Variants in PAK3 observed in about 807,000 individuals in gnomAD.
PAK3 encodes p21 (RAC1) activated kinase 3, also known as serine/threonine-protein kinase PAK 3.
In PAK3, 4 loss-of-function variants were observed where a neutral mutation model predicts 41.0. That is an observed-to-expected ratio of 0.10 (90% confidence interval 0.05 to 0.22). PAK3 has a LOEUF of 0.22. Ranked by LOEUF, PAK3 falls within the 10% of genes least tolerant of loss-of-function variation. PAK3 has a pLI of 1.00. For synonymous variants in PAK3, 146 were observed against 139.6 expected (o/e 1.05, Z -0.32); for missense variants, 205 against 409.9 (o/e 0.50, Z 4.32).
At chrX:111,022,699 T>G (rs2092205579) in intron 1 of PAK3, among the ~76,000 whole-genome samples, 2 of 110,767 alleles carry the variant, frequency 1.8e-5, no homozygotes, top group Non-Finnish European at 3.8e-5. Context: ...ATACTAACAT[T>G]GAAAATAGAT....
At chrX:111,143,533 A>G (rs2093901953) in intron 6 of PAK3, among the ~76,000 whole-genome samples, 1 of 111,137 alleles carries the variant, frequency 9.0e-6, no homozygotes, top group South Asian at 3.9e-4. Flanking sequence ...CAGAGACATT[A>G]CTCAAATGGC....
chrX:111,216,269 T>C lies in PAK3; in HGVS notation c.1408-152T>C, dbSNP rs977401852. 4 of 483,453 alleles carry C rather than the reference T, an allele frequency of 8.3e-6. No homozygotes were observed. The Admixed American group carries it at 9.0e-5, about 11-fold the overall frequency. 39.8% of individuals were successfully genotyped at this position (483,453 alleles called of 1,213,427 possible). ...TGCCAATATTAATCATTTCTAAATGTTATAGAAACTTTGAAATATATGTGT... is the reference window on the plus strand; with the variant it reads ...TGCCAATATTAATCATTTCTAAATGCTATAGAAACTTTGAAATATATGTGT... On this transcript the variant is annotated intron_variant, in intron 16 of 17. Coordinates refer to ENST00000372007, the MANE Select transcript of PAK3 (RefSeq NM_002578.5).
intron 14 of PAK3, 85 bp downstream of exon 14, chrX:111,194,503 C>G: frequency 1.6e-6 from 1 of 607,823 alleles, no homozygotes; most frequent in Non-Finnish European, 2.9e-6. Context: ...TTTGTATCAT[C>G]AAAGTAACAA....
At chrX:111,025,460 T>C (rs1264833269) in intron 1 of PAK3, among the ~76,000 whole-genome samples, 1 of 110,981 alleles carries the variant, frequency 9.0e-6, no homozygotes, top group Admixed American at 9.6e-5. Context: ...ACGGGAGATA[T>C]TACAACCAAC....
intron 11 of PAK3, among the ~76,000 whole-genome samples, chrX:111,180,109 G>A (rs1445786739): frequency 2.7e-5 from 3 of 111,519 alleles, no homozygotes; most frequent in African/African-American, 9.8e-5. Context: ...TTAGCATGGA[G>A]TTACATACGA....
At chrX:110,957,148 T>G (rs1452462738) in intron 1 of PAK3, among the ~76,000 whole-genome samples, 1 of 112,433 alleles carries the variant, frequency 8.9e-6, no homozygotes, top group Non-Finnish European at 1.9e-5. Flanking sequence ...CTGCTACTTT[T>G]ACTTCTATGA....
intron 1 of PAK3, among the ~76,000 whole-genome samples, chrX:110,998,617 G>T (rs1487478893): frequency 1.8e-5 from 2 of 111,699 alleles, no homozygotes; most frequent in Non-Finnish European, 3.8e-5. Context: ...GGTCAAAAGA[G>T]GGTTTATTAA....
At chrX:111,129,763 A>G (rs999644123) in intron 5 of PAK3, among the ~76,000 whole-genome samples, 2 of 111,495 alleles carry the variant, frequency 1.8e-5, no homozygotes, top group Non-Finnish European at 3.8e-5. Flanking sequence ...GGAAGTAATG[A>G]CTGAAAGGGA....
At chrX:111,124,832 G>C (rs1024499453) in intron 5 of PAK3, among the ~76,000 whole-genome samples, 1 of 108,687 alleles carries the variant, frequency 9.2e-6, no homozygotes, top group African/African-American at 3.3e-5. Context: ...TTAAGGGATG[G>C]TTTGAACAGT....
chrX:111,132,293 C>A (rs780309756), intron 5 of PAK3, among the ~76,000 whole-genome samples: 22 of 111,483 alleles, frequency 2.0e-4, no homozygotes, highest in African/African-American at 7.2e-4. Flanking sequence ...CAAATCAAGG[C>A]TCAGGAATAT....
intron 11 of PAK3, among the ~76,000 whole-genome samples, chrX:111,189,543 A>G (rs1215744865): frequency 8.9e-6 from 1 of 111,917 alleles, no homozygotes; most frequent in East Asian, 2.8e-4. Context: ...TCCCTCCAGC[A>G]GGGTATAAGT....
At chrX:111,073,385 C>A (rs1040568007) in intron 1 of PAK3, among the ~76,000 whole-genome samples, 1 of 111,263 alleles carries the variant, frequency 9.0e-6, no homozygotes, top group Non-Finnish European at 1.9e-5. Flanking sequence ...AGTACAGATA[C>A]AAATGAAATG....
chrX:111,139,364 A>G (rs1045090768), intron 5 of PAK3, among the ~76,000 whole-genome samples: 7 of 112,030 alleles, frequency 6.2e-5, no homozygotes, highest in Admixed American at 2.8e-4. Flanking sequence ...GCTTAAAAAA[A>G]AGACTCAATC....
In PAK3 at chrX:111,112,213, G is replaced by A. The variant is rs746754248; in HGVS notation, c.-28+8907G>A. On this transcript the variant is annotated intron_variant, in intron 4 of 17. Transcript: ENST00000372007. ...ACGCATATTAAACCCTTCTTAATTC[G>A]TCTCTATGGATCTTATTTTTTTCCA... 1.5e-3 allele frequency among the ~76,000 whole-genome samples: 165 copies of A among 110,457 alleles called. 1 individual carries two copies. Among genetic ancestry groups the A allele is most frequent in the African/African-American group, 4.8e-3 (146 of 30,426 alleles).
chrX:111,160,557 C>T (rs2094160457), intron 8 of PAK3, among the ~76,000 whole-genome samples: 1 of 108,918 alleles, frequency 9.2e-6, no homozygotes, highest in Non-Finnish European at 1.9e-5. Context: ...TGTTGGTGTG[C>T]TGCACCCATT....
At chrX:111,057,330 C>T (rs2092612820) in intron 1 of PAK3, among the ~76,000 whole-genome samples, 1 of 111,895 alleles carries the variant, frequency 8.9e-6, no homozygotes, top group Admixed American at 9.5e-5. Context: ...ATTTACAATG[C>T]ATATCCATAT....
intron 5 of PAK3, among the ~76,000 whole-genome samples, chrX:111,132,241 G>A (rs771554579): frequency 2.7e-5 from 3 of 110,601 alleles, no homozygotes; most frequent in Non-Finnish European, 3.8e-5. Context: ...GAGGTGGATG[G>A]CCCTTTAATA....
intron 1 of PAK3, among the ~76,000 whole-genome samples, chrX:110,975,953 A>T (rs1427846683): frequency 8.9e-5 from 10 of 112,106 alleles, no homozygotes; most frequent in Non-Finnish European, 1.9e-4. Flanking sequence ...TTATACAAAA[A>T]TTAATACAAG....
At chrX:110,953,285 G>A (rs189561003) in intron 1 of PAK3, among the ~76,000 whole-genome samples, 1 of 111,603 alleles carries the variant, frequency 9.0e-6, no homozygotes, top group East Asian at 2.8e-4. Context: ...TCGAGTTCTG[G>A]TTTTGTTATT....
Sources: allele counts gnomAD v4.1 joint callset (sites outside exome capture counted in the v4.1 genomes callset), GRCh38; gene constraint gnomAD v4.1.1; transcripts MANE v1.5; gene names NCBI Gene and HGNC (gene_info 2026-07-23, HGNC 2026-07-21).